CDH11: variants seen among roughly 807,000 people sequenced by gnomAD.
CDH11 encodes cadherin-11.
A neutral mutation model predicts 67.8 loss-of-function variants in CDH11; 11 were observed. The observed-to-expected ratio is 0.16, with a 90% CI of 0.10 to 0.27. CDH11 has a LOEUF of 0.27. Ranked by LOEUF, CDH11 falls within the 10% of genes least tolerant of loss-of-function variation. The pLI, the probability that CDH11 is intolerant of heterozygous loss-of-function variation, is 1.00. For missense variants in CDH11, 847 were observed against 1,031.2 expected (o/e 0.82, Z 2.45); for synonymous variants, 419 against 400.0 (o/e 1.05, Z -0.57).
chr16:65,051,234 C>T (rs2074051187), intron 2 of CDH11, among the ~76,000 whole-genome samples: 1 of 152,116 alleles, frequency 6.6e-6, no homozygotes, highest in Admixed American at 6.6e-5. Flanking sequence ...GGTGGGGACT[C>T]CTCACGTTGA....
intron 4 of CDH11, 41 bp downstream of exon 4, chr16:64,998,521 C>T: frequency 6.3e-7 from 1 of 1,589,424 alleles, no homozygotes; most frequent in Non-Finnish European, 8.6e-7. Flanking sequence ...CACAGAGACA[C>T]CAGGCCTGGA....
chr16:64,992,049 G>A lies in CDH11; in HGVS notation c.644-114C>T, dbSNP rs534314711. On this transcript the variant is annotated intron_variant, in intron 5 of 12. Coordinates refer to ENST00000268603, the MANE Select transcript of CDH11 (RefSeq NM_001797.4). ...ATAAAATATCCCATGCCCTCAGCAA[G>A]AATCATTTCAACATGGTAATTACAA... The A allele has an allele frequency of 4.5e-6, 3 of 666,150 alleles. No individual in the cohort carries two copies. In the East Asian group the frequency reaches 7.8e-5, roughly 17 times the overall value. 41.3% of individuals were successfully genotyped at this position (666,150 alleles called of 1,614,324 possible). A position where few individuals can be genotyped will look rare whatever the true frequency, so the allele number is the denominator to read the frequency against.
intron 1 of CDH11, among the ~76,000 whole-genome samples, chr16:65,074,157 T>C (rs1421187310): frequency 6.6e-6 from 1 of 152,182 alleles, no homozygotes; most frequent in African/African-American, 2.4e-5. Context: ...TAACTTTCAT[T>C]CCCTTATTCT....
intron 3 of CDH11, among the ~76,000 whole-genome samples, chr16:65,004,142 G>A (rs147531286): frequency 1.3e-5 from 2 of 152,156 alleles, no homozygotes; most frequent in African/African-American, 4.8e-5. Context: ...TGATGAGGGA[G>A]GATCACTTAG....
chr16:64,995,780 A>C (rs1224915576), intron 4 of CDH11, among the ~76,000 whole-genome samples: 1 of 152,200 alleles, frequency 6.6e-6, no homozygotes, highest in Non-Finnish European at 1.5e-5. Context: ...CTGCACAACA[A>C]AGGGAAACTA....
chr16:64,966,327 A>G (rs1055680507), intron 11 of CDH11, among the ~76,000 whole-genome samples: 3 of 152,082 alleles, frequency 2.0e-5, no homozygotes, highest in Non-Finnish European at 4.4e-5. Context: ...TAAATTTAAG[A>G]TAAGCTCAAT....
upstream of CDH11, chr16:65,122,273 C>T: frequency 2.5e-6 from 1 of 396,908 alleles, no homozygotes; most frequent in Non-Finnish European, 4.6e-6. Flanking sequence ...CCCCTCCCCC[C>T]AGGGGCCCAG....
chr16:65,113,869 A>C (rs796665648), intron 1 of CDH11, among the ~76,000 whole-genome samples: 2 of 152,256 alleles, frequency 1.3e-5, no homozygotes, highest in East Asian at 3.9e-4. Context: ...TAAGTAGCTC[A>C]TGAGGGCATT....
At chr16:65,045,820 G>A (rs2073953086) in intron 2 of CDH11, among the ~76,000 whole-genome samples, 1 of 152,142 alleles carries the variant, frequency 6.6e-6, no homozygotes, top group Non-Finnish European at 1.5e-5. Flanking sequence ...CTTTGGCTGA[G>A]ACTGTCTTAT....
intron 1 of CDH11, among the ~76,000 whole-genome samples, chr16:65,107,417 C>T (rs2075083409): frequency 6.6e-6 from 1 of 152,196 alleles, no homozygotes; most frequent in Admixed American, 6.5e-5. Flanking sequence ...AATGCTTCCA[C>T]CCTCGTGCTG....
chr16:64,975,293 CCTT>C (rs890227752), intron 8 of CDH11, among the ~76,000 whole-genome samples: 2 of 152,110 alleles, frequency 1.3e-5, no homozygotes, highest in Non-Finnish European at 2.9e-5. Context: ...AAGAGTGTGA[CCTT>C]CATCCTAGAG....
chr16:65,011,744 GAAT>G (rs1300358135), intron 2 of CDH11, among the ~76,000 whole-genome samples: 4 of 152,130 alleles, frequency 2.6e-5, no homozygotes, highest in Non-Finnish European at 4.4e-5. Flanking sequence ...CTCTGACTAT[GAAT>G]AAATACTCTA....
intron 2 of CDH11, among the ~76,000 whole-genome samples, chr16:65,014,700 C>T (rs1281525590): frequency 2.0e-5 from 3 of 151,410 alleles, no homozygotes; most frequent in African/African-American, 7.3e-5. Context: ...AAAAAGGGGC[C>T]ATTCTTGAAA....
At chr16:65,097,669 A>G (rs1006066616) in intron 1 of CDH11, among the ~76,000 whole-genome samples, 3 of 152,184 alleles carry the variant, frequency 2.0e-5, no homozygotes, top group African/African-American at 7.2e-5. Flanking sequence ...TGTTAAGTAT[A>G]ACATACACAA....
chr16:64,984,024 T>C (rs2072421631), intron 7 of CDH11, among the ~76,000 whole-genome samples: 1 of 152,212 alleles, frequency 6.6e-6, no homozygotes, highest in South Asian at 2.1e-4. Flanking sequence ...AATATCCTCA[T>C]GCTGCAGTTT....
chr16:65,035,919 C>A (rs576221395), intron 2 of CDH11, among the ~76,000 whole-genome samples: 2 of 152,152 alleles, frequency 1.3e-5, no homozygotes, highest in African/African-American at 2.4e-5. Flanking sequence ...ATAGTTTCCA[C>A]GTGAGAGTGG....
chr16:64,971,914 A>T lies in CDH11; in HGVS notation c.1524+17T>A. 3.7e-6 allele frequency: 6 copies of T among 1,613,468 alleles called. No individual in the cohort carries two copies. The highest frequency in any genetic ancestry group is 5.1e-6 in the Non-Finnish European group (6 of 1,179,522). On this transcript the variant is annotated intron_variant, in intron 10 of 12. Coordinates refer to ENST00000268603, the MANE Select transcript of CDH11 (RefSeq NM_001797.4). Reference sequence around the variant, plus strand: ...AAGTGCATTGTTCCTAGCCAAGAATAGGGAAAGCAGGATTACCTGGTTGGA... The same window carrying T: ...AAGTGCATTGTTCCTAGCCAAGAATTGGGAAAGCAGGATTACCTGGTTGGA...
intron 8 of CDH11, among the ~76,000 whole-genome samples, chr16:64,976,694 T>C (rs2072178313): frequency 6.6e-6 from 1 of 152,100 alleles, no homozygotes; most frequent in Admixed American, 6.6e-5. Context: ...TCTCTATTTA[T>C]ACTAAATATA....
chr16:64,994,092 G>A (rs2072705114), intron 4 of CDH11, among the ~76,000 whole-genome samples: 1 of 152,108 alleles, frequency 6.6e-6, no homozygotes, highest in Non-Finnish European at 1.5e-5. Context: ...GGGAGGCAAG[G>A]GAGCCAGTTT....
Sources: gnomAD v4.1 joint callset for allele counts (sites outside exome capture counted in the v4.1 genomes callset) on GRCh38, gnomAD v4.1.1 for gene constraint, MANE v1.5 for transcripts, NCBI Gene and HGNC (gene_info 2026-07-23, HGNC 2026-07-21) for gene names.